COBL: variants seen among roughly 807,000 people sequenced by gnomAD.
COBL encodes the protein protein cordon-bleu.
In COBL, 51 loss-of-function variants were observed where a neutral mutation model predicts 98.8. The ratio of observed to expected loss-of-function variants is 0.52; its 90% CI spans 0.41 to 0.65. The LOEUF (loss-of-function observed/expected upper bound fraction) is 0.65, where lower values mean the gene tolerates loss of function less well. Ranked by LOEUF, COBL falls within the 30% of genes least tolerant of loss-of-function variation. The probability of loss-of-function intolerance (pLI) is 0.00; values close to 1 mark genes in which losing one functional copy is unlikely to be tolerated. For synonymous variants in COBL, 634 were observed against 651.7 expected, an observed-to-expected ratio of 0.97 and a Z score of 0.41; for missense variants, 1,617 against 1,617.5, an observed-to-expected ratio of 1.00 and a Z score of 0.01.
rs142223440 is a variant in COBL at position 51,286,456 on chromosome 7, A to C, written c.41+30137T>G. Among the ~76,000 whole-genome samples the C allele has an allele frequency of 5.6e-3, 852 of 152,238 alleles. 3 individuals carry two copies. The highest frequency in any genetic ancestry group is 0.02 in the African/African-American group (822 of 41,558). ...AATTTTAAAATGGCAAAGGACATGAACAGATACTTCTTAAAATAAAATATC... is the reference window on the plus strand; with the variant it reads ...AATTTTAAAATGGCAAAGGACATGACCAGATACTTCTTAAAATAAAATATC... On this transcript the variant is annotated intron_variant, in intron 1 of 12. Coordinates refer to ENST00000265136, the MANE Select transcript of COBL (RefSeq NM_015198.5).
intron 7 of COBL, among the ~76,000 whole-genome samples, chr7:51,080,527 C>CTGTA (rs1793546984): frequency 6.6e-6 from 1 of 152,160 alleles, no homozygotes; most frequent in African/African-American, 2.4e-5. Flanking sequence ...GGTAAGGCCT[C>CTGTA]CTGCCTCGGT....
chr7:51,024,774 C>T (rs1787345013), intron 12 of COBL, among the ~76,000 whole-genome samples: 1 of 152,210 alleles, frequency 6.6e-6, no homozygotes, highest in African/African-American at 2.4e-5. Flanking sequence ...GATGATCTTC[C>T]ATCCTCTCCA....
At chr7:51,259,759 A>G (rs949722940) in intron 1 of COBL, 29 of 747,622 alleles carry the variant, frequency 3.9e-5, no homozygotes, top group Middle Eastern at 3.7e-4. Context: ...CCCAGATCAC[A>G]TAAGTTTCCA....
intron 7 of COBL, among the ~76,000 whole-genome samples, chr7:51,082,455 A>G (rs1793753807): frequency 6.6e-6 from 1 of 152,236 alleles, no homozygotes; most frequent in Admixed American, 6.5e-5. Flanking sequence ...AACCCCAGGA[A>G]ACAAAGAGAG....
chr7:51,262,190 C>T (rs547417749), intron 1 of COBL, among the ~76,000 whole-genome samples: 1 of 152,284 alleles, frequency 6.6e-6, no homozygotes, highest in Admixed American at 6.5e-5. Flanking sequence ...CTGACAGTGG[C>T]CCAGCCCCAG....
At chr7:51,228,231 G>A (rs1315060774) in intron 1 of COBL, among the ~76,000 whole-genome samples, 1 of 152,042 alleles carries the variant, frequency 6.6e-6, no homozygotes, top group African/African-American at 2.4e-5. Context: ...GTTTCCCCAA[G>A]AGCTGAACAG....
At chr7:51,283,383 A>G (rs748531471) in intron 1 of COBL, among the ~76,000 whole-genome samples, 3 of 152,244 alleles carry the variant, frequency 2.0e-5, no homozygotes, top group Non-Finnish European at 4.4e-5. Flanking sequence ...ACTTTAAATG[A>G]CACAGATCAA....
chr7:51,091,322 A>C (rs1234375233), intron 6 of COBL, among the ~76,000 whole-genome samples: 1 of 152,228 alleles, frequency 6.6e-6, no homozygotes. Flanking sequence ...AATCATATCA[A>C]TAAAGAGACA....
At chr7:51,198,432 T>A (rs1269058852) in intron 2 of COBL, among the ~76,000 whole-genome samples, 1 of 152,176 alleles carries the variant, frequency 6.6e-6, no homozygotes, top group Non-Finnish European at 1.5e-5. Flanking sequence ...TCTAGCTGCC[T>A]TTAACATTTT....
chr7:51,304,420 T>C (rs985931872), intron 1 of COBL, among the ~76,000 whole-genome samples: 3 of 152,330 alleles, frequency 2.0e-5, no homozygotes, highest in South Asian at 2.1e-4. Flanking sequence ...GTTTACAACA[T>C]CCACTGAAAA....
chr7:51,180,587 T>C (rs970316471), intron 5 of COBL, among the ~76,000 whole-genome samples: 2 of 152,248 alleles, frequency 1.3e-5, no homozygotes, highest in Non-Finnish European at 2.9e-5. Context: ...ATAATAAGTG[T>C]AAAACTAATT....
At chr7:51,042,410 A>T (rs1789287321) in intron 8 of COBL, among the ~76,000 whole-genome samples, 2 of 152,178 alleles carry the variant, frequency 1.3e-5, no homozygotes, top group African/African-American at 4.8e-5. Flanking sequence ...CCCAGGATGG[A>T]GTATAGTGGT....
chr7:51,073,372 C>T (rs757874175), intron 7 of COBL: 29 of 694,532 alleles, frequency 4.2e-5, no homozygotes, highest in Middle Eastern at 2.3e-4. Context: ...TAGGGAATGA[C>T]GCACAGCAAT....
chr7:51,029,188 C>T lies in COBL; in HGVS notation c.1908G>A (p.Ser636=), dbSNP rs761646865. 1.7e-5 allele frequency: 28 copies of T among 1,613,972 alleles called. No individual in the cohort carries two copies. Among genetic ancestry groups the T allele is most frequent in the South Asian group, 7.7e-5 (7 of 91,078 alleles). ...ETAPRVTSFA[S]NLHTDNLNAK... Reference sequence around the variant, plus strand: ...CATTTAGGTTGTCTGTGTGAAGATTCGAAGCAAAAGAAGTCACCCTGGGCG... The same window carrying T: ...CATTTAGGTTGTCTGTGTGAAGATTTGAAGCAAAAGAAGTCACCCTGGGCG... The change falls in exon 10 of 13, where the codon TCG becomes TCA. Residue 636 remains serine (S), a synonymous_variant. Coordinates refer to ENST00000265136, the MANE Select transcript of COBL (RefSeq NM_015198.5).
chr7:51,185,238 T>C (rs562753431), intron 4 of COBL, among the ~76,000 whole-genome samples: 3 of 152,288 alleles, frequency 2.0e-5, no homozygotes, highest in Non-Finnish European at 2.9e-5. Context: ...TGGGAACTTA[T>C]GAGAGATGCG....
intron 1 of COBL, among the ~76,000 whole-genome samples, chr7:51,272,773 A>G (rs112932565): frequency 0.017 from 2,513 of 152,280 alleles, 49 homozygotes; most frequent in Middle Eastern, 0.031. Flanking sequence ...GTACTTTGGG[A>G]GTCTCCCCAT....
At chr7:51,159,303 T>C (rs1002037510) in intron 5 of COBL, among the ~76,000 whole-genome samples, 1 of 152,126 alleles carries the variant, frequency 6.6e-6, no homozygotes, top group Non-Finnish European at 1.5e-5. Context: ...GGTGAGATCC[T>C]AGATGTATCT....
chr7:51,303,229 C>T (rs1412187416), intron 1 of COBL, among the ~76,000 whole-genome samples: 1 of 152,132 alleles, frequency 6.6e-6, no homozygotes, highest in Non-Finnish European at 1.5e-5. Context: ...GGACACAAAA[C>T]CTAATCGAAT....
At chr7:51,186,797 GC>G (rs1789565350) in intron 4 of COBL, among the ~76,000 whole-genome samples, 1 of 152,144 alleles carries the variant, frequency 6.6e-6, no homozygotes, top group Non-Finnish European at 1.5e-5. Flanking sequence ...TAGAGGCTTG[GC>G]AGACACTGAA....
Sources: allele counts gnomAD v4.1 joint callset (sites outside exome capture counted in the v4.1 genomes callset), GRCh38; gene constraint gnomAD v4.1.1; transcripts MANE v1.5; gene names NCBI Gene and HGNC (gene_info 2026-07-23, HGNC 2026-07-21).